Variants in SPEN observed in about 807,000 individuals in gnomAD.
The protein encoded by SPEN is msx2-interacting protein.
A neutral mutation model predicts 269.9 loss-of-function variants in SPEN; 18 were observed. The observed-to-expected ratio is 0.07, with a 90% CI of 0.05 to 0.10. The LOEUF (loss-of-function observed/expected upper bound fraction) is 0.10, where lower values mean the gene tolerates loss of function less well. Among genes scored for constraint, SPEN ranks in the 10% least tolerant of loss-of-function variants. SPEN has a pLI of 1.00. For synonymous variants in SPEN, 1,726 were observed against 1,765.7 expected (o/e 0.98, Z 0.56); for missense variants, 3,822 against 4,631.2 (o/e 0.83, Z 5.07).
chr1:15,915,884 A>T (rs2071062623), intron 5 of SPEN, among the ~76,000 whole-genome samples: 2 of 151,544 alleles, frequency 1.3e-5, no homozygotes, highest in Admixed American at 1.3e-4. Flanking sequence ...TAAAGGTTAA[A>T]CAAAGTGTTA....
In SPEN at chr1:15,928,783, C is replaced by G; in HGVS notation, c.2543C>G (p.Pro848Arg). 6.2e-7 allele frequency: 1 copy of G among 1,614,078 alleles called. No individual in the cohort carries two copies. The highest frequency in any genetic ancestry group is 8.5e-7 in the Non-Finnish European group (1 of 1,180,024). ...CAAGAAAATGAGCGAGAGCAAAGCCCTGAAAAGCCCAGGAGTTGTAATAAA... is the reference window on the plus strand; with the variant it reads ...CAAGAAAATGAGCGAGAGCAAAGCCGTGAAAAGCCCAGGAGTTGTAATAAA... ...TDQENEREQS[P>R]EKPRSCNKLS... is the part of the protein sequence containing the mutation. The change falls in exon 11 of 15, where the codon CCT (proline) becomes CGT (arginine). Residue 848 changes from proline (P) to arginine (R), a missense_variant. Around this residue, in one of 16 missense-constraint regions of SPEN, gnomAD observed 572 missense variants for 582.6 expected, o/e 0.98. Coordinates refer to ENST00000375759, the MANE Select transcript of SPEN (RefSeq NM_015001.3). The surrounding 1 kb of genome is among the most constrained non-coding windows in gnomAD (Gnocchi z 5.7).
chr1:15,907,052 C>A (rs1031849696), intron 3 of SPEN, among the ~76,000 whole-genome samples: 7 of 152,118 alleles, frequency 4.6e-5, no homozygotes, highest in South Asian at 2.1e-4. Context: ...ATTACAGGAA[C>A]TAAGCCACTG....
chr1:15,873,105 C>G lies in SPEN; in HGVS notation c.373C>G (p.Arg125Gly). The change falls in exon 2 of 15, where the codon CGA becomes GGA. Residue 125 changes from arginine to glycine, a missense_variant. Arg to Gly is a moderately radical substitution (Grantham distance 125, BLOSUM62 -2). Around this residue, in one of 16 missense-constraint regions of SPEN, gnomAD observed 327 missense variants for 350.8 expected, o/e 0.93. Coordinates refer to ENST00000375759, the MANE Select transcript of SPEN (RefSeq NM_015001.3). ...TGGTCCCCCACCGTCACTTCATGCACGAGAAGGACGTTATGAGCGGAGACT... is the reference window on the plus strand; with the variant it reads ...TGGTCCCCCACCGTCACTTCATGCAGGAGAAGGACGTTATGAGCGGAGACT... ...AYGPPPSLHA[R>G]EGRYERRLDG... The G allele has an allele frequency of 6.2e-7, 1 of 1,613,216 alleles. No individual in the cohort carries two copies. The highest frequency in any genetic ancestry group is 8.5e-7 in the Non-Finnish European group (1 of 1,179,454).
chr1:15,921,695 G>A (rs935699507), intron 9 of SPEN, among the ~76,000 whole-genome samples: 1 of 152,132 alleles, frequency 6.6e-6, no homozygotes, highest in African/African-American at 2.4e-5. Flanking sequence ...GCCACTTAAA[G>A]CATAACTTTA....
intron 3 of SPEN, among the ~76,000 whole-genome samples, chr1:15,888,191 C>T (rs938903026): frequency 6.6e-6 from 1 of 151,378 alleles, no homozygotes; most frequent in Non-Finnish European, 1.5e-5. Context: ...TCACTGCAAC[C>T]TCCACCTCCT....
At chr1:15,849,913 G>C (rs1036676452) in intron 1 of SPEN, among the ~76,000 whole-genome samples, 2 of 152,170 alleles carry the variant, frequency 1.3e-5, no homozygotes, top group Non-Finnish European at 2.9e-5. Context: ...ACAAGCACGT[G>C]CATTGCAGCA....
chr1:15,867,647 G>T (rs1442560249), intron 1 of SPEN, among the ~76,000 whole-genome samples: 2 of 151,202 alleles, frequency 1.3e-5, no homozygotes, highest in Non-Finnish European at 2.9e-5. Context: ...AGGCTGGGTG[G>T]CTATCTCACC....
At chr1:15,911,077 A>G (rs2071007737) in intron 4 of SPEN, 24 bp from the exon 5 acceptor site, 2 of 1,562,774 alleles carry the variant, frequency 1.3e-6, no homozygotes, top group African/African-American at 2.8e-5. Flanking sequence ...AGAATTAATA[A>G]CTTGGTTTTT....
chr1:15,901,392 G>C (rs779369464), intron 3 of SPEN, among the ~76,000 whole-genome samples: 16 of 151,432 alleles, frequency 1.1e-4, no homozygotes, highest in Admixed American at 2.0e-4. Context: ...CCTGTAATGA[G>C]CCAGGAGGCC....
At chr1:15,920,056 T>A (rs1186710615) in intron 8 of SPEN, among the ~76,000 whole-genome samples, 1 of 152,074 alleles carries the variant, frequency 6.6e-6, no homozygotes, top group Non-Finnish European at 1.5e-5. Flanking sequence ...CAATGCTTTT[T>A]TTTTTTTAAA....
intron 3 of SPEN, among the ~76,000 whole-genome samples, chr1:15,877,076 T>C (rs904553431): frequency 1.3e-5 from 2 of 152,230 alleles, no homozygotes; most frequent in African/African-American, 4.8e-5. Flanking sequence ...TGGTTAAATA[T>C]GTATTGGTGA....
rs772112263 is a variant in SPEN, at chr1:15,928,185, G to A, written c.1945G>A (p.Asp649Asn). The change falls in exon 11 of 15, where the codon GAC becomes AAC. Residue 649 changes from aspartate (D) to asparagine (N), a missense_variant. Transcript: ENST00000375759. This position sits in a 1 kb window ranked among gnomAD's most constrained non-coding sequence, Gnocchi z 5.7. ...CACTTATCCTGAGGATTCCAGGCGG[G>A]ACTATCCAGCTCGAGGGAGAGAGTT... is the stretch of plus-strand genomic sequence containing the variant. ...PGTYPEDSRRDYPARGREFYS... is the reference protein window; with the variant it reads ...PGTYPEDSRRNYPARGREFYS... 4 of 1,614,150 alleles carry A rather than the reference G, an allele frequency of 2.5e-6. No homozygotes were observed. The highest frequency in any genetic ancestry group is 3.3e-5 in the Admixed American group (2 of 60,028).
At chr1:15,901,342 T>A (rs538752008) in intron 3 of SPEN, among the ~76,000 whole-genome samples, 478 of 147,474 alleles carry the variant, frequency 3.2e-3, no homozygotes, top group Non-Finnish European at 5.6e-3. Context: ...AAATAAAAAA[T>A]AAAAATAAAA....
In SPEN at chr1:15,920,953, A is replaced by G. The variant is rs1392533179; in HGVS notation, c.1719A>G (p.Lys573=). The G allele has an allele frequency of 6.2e-7, 1 of 1,611,742 alleles. No homozygotes were observed. Among genetic ancestry groups the G allele is most frequent in the Non-Finnish European group, 8.5e-7 (1 of 1,178,560 alleles). The change falls in exon 9 of 15, where the codon AAA becomes AAG. Residue 573 remains lysine (K), a synonymous_variant. Coordinates refer to ENST00000375759, the MANE Select transcript of SPEN (RefSeq NM_015001.3). ...EYAQAAVKET[K]GRKIGGNKIK... is the part of the protein sequence containing the mutation. ...CACAAGCAGCTGTAAAAGAGACCAA[A>G]GGGAGGAAAATCGGTGGGAATAAAA...
chr1:15,874,447 A>G, intron 2 of SPEN: 4 of 1,270,346 alleles, frequency 3.1e-6, no homozygotes, highest in Non-Finnish European at 4.1e-6. Context: ...CCCAAGTCAA[A>G]CTCTCTTTTT....
At chr1:15,887,838 A>G (rs909359865) in intron 3 of SPEN, among the ~76,000 whole-genome samples, 1 of 150,924 alleles carries the variant, frequency 6.6e-6, no homozygotes, top group South Asian at 2.1e-4. Flanking sequence ...CCTGGCCAAC[A>G]TGGTGAAACC....
At position 15,933,005 on chromosome 1, in the gene SPEN, G is replaced by A. The variant is rs374329428; in HGVS notation, c.6765G>A (p.Ala2255=). ...TGCAACCCCCCGCAGGTGCACAGGC[G>A]CTGCAGCCTTCTGAGGAAGGAATGG... ...TDLQPPAGAQ[A]LQPSEEGMET... is the part of the protein sequence containing the mutation. The change falls in exon 11 of 15, where the codon GCG becomes GCA. Residue 2255 remains alanine (A), a synonymous_variant. Transcript: ENST00000375759. This position sits in a 1 kb window ranked among gnomAD's most constrained non-coding sequence, Gnocchi z 5.7. The A allele has an allele frequency of 4.1e-5, 66 of 1,614,044 alleles. No individual in the cohort carries two copies. In the South Asian group the frequency reaches 4.8e-4, roughly 12 times the overall value.
In SPEN at chr1:15,930,275, A is replaced by G; in HGVS notation, c.4035A>G (p.Lys1345=). The change falls in exon 11 of 15, where the codon AAA becomes AAG. Residue 1345 remains lysine, a synonymous_variant. Coordinates refer to ENST00000375759, the MANE Select transcript of SPEN (RefSeq NM_015001.3). The surrounding 1 kb of genome is among the most constrained non-coding windows in gnomAD (Gnocchi z 5.3). ...DELNRWDSQM[K]QDAGRFDVSF... ...TAAATCGTTGGGACTCTCAGATGAAACAGGATGCTGGCAGATTTGATGTGA... is the reference window on the plus strand; with the variant it reads ...TAAATCGTTGGGACTCTCAGATGAAGCAGGATGCTGGCAGATTTGATGTGA... 1.2e-6 allele frequency: 2 copies of G among 1,614,172 alleles called. No homozygotes were observed. The highest frequency in any genetic ancestry group is 1.7e-6 in the Non-Finnish European group (2 of 1,180,020).
At chr1:15,888,881 C>T (rs1461726654) in intron 3 of SPEN, among the ~76,000 whole-genome samples, 5 of 151,022 alleles carry the variant, frequency 3.3e-5, no homozygotes, top group African/African-American at 9.7e-5. Flanking sequence ...CCACCTGCCT[C>T]GGCCTCCCAA....
Sources: gnomAD v4.1 joint callset for allele counts (sites outside exome capture counted in the v4.1 genomes callset) on GRCh38, gnomAD v4.1.1 for gene constraint, gnomAD v4.1.1 regional missense constraint, Gnocchi (gnomAD v3.1) non-coding constraint, MANE v1.5 for transcripts, NCBI Gene and HGNC (gene_info 2026-07-23, HGNC 2026-07-21) for gene names.